ASB15: variants seen among roughly 807,000 people sequenced by gnomAD.
The protein encoded by ASB15 is ankyrin repeat and SOCS box protein 15.
ASB15 carries 54 observed loss-of-function variants against 58.0 expected under a neutral mutation model. The observed-to-expected ratio is 0.93, with a 90% CI of 0.75 to 1.17. The LOEUF is 1.17. ASB15 is among the 50% of genes most tolerant of loss of function. The pLI is 0.00. For synonymous variants in ASB15, 249 were observed against 262.4 expected (o/e 0.95, Z 0.50); for missense variants, 680 against 707.4 (o/e 0.96, Z 0.44).
intron 7 of ASB15, among the ~76,000 whole-genome samples, chr7:123,620,556 T>TATATA (rs1801242851): frequency 1.2e-4 from 1 of 8,630 alleles, no homozygotes; most frequent in Non-Finnish European, 2.2e-4. Flanking sequence ...ATATATATAT[T>TATATA]TTTTTTTTTT....
chr7:123,591,559 T>C (rs1417633538), intron 1 of ASB15, among the ~76,000 whole-genome samples: 1 of 152,198 alleles, frequency 6.6e-6, no homozygotes. Context: ...GAGATAATCA[T>C]GTGGTTTTTG....
chr7:123,620,513 T>C (rs1319687675), intron 7 of ASB15, among the ~76,000 whole-genome samples: 35 of 6,138 alleles, frequency 5.7e-3, no homozygotes, highest in Non-Finnish European at 7.0e-3. Context: ...CATACATATA[T>C]ATATATATAT....
At chr7:123,602,449 G>C (rs999458724) in intron 1 of ASB15, among the ~76,000 whole-genome samples, 1 of 152,030 alleles carries the variant, frequency 6.6e-6, no homozygotes, top group Non-Finnish European at 1.5e-5. Flanking sequence ...AGGTTGGAAA[G>C]TCCTTAAAAT....
rs747897507 is a variant in ASB15, at chr7:123,630,127, C to A, written c.1594+8C>A. On this transcript the variant is annotated splice_region_variant and intron_variant, in intron 11 of 11. Transcript: ENST00000451215. ...AAATCCGCCAAATACTAGGTAAAAA[C>A]CAAAAGTTTTGCCTACAATTTTTAA... 16 of 1,556,302 alleles carry A rather than the reference C, an allele frequency of 1.0e-5. No individual in the cohort carries two copies. The highest frequency in any genetic ancestry group is 3.4e-4 in the Middle Eastern group (2 of 5,830).
chr7:123,608,713 T>A (rs965074742), intron 3 of ASB15, 59 bp downstream of exon 3: 3 of 152,202 alleles, frequency 2.0e-5, no homozygotes, highest in Non-Finnish European at 4.4e-5. Flanking sequence ...TACACTTCTA[T>A]CTGAAATTTT....
intron 11 of ASB15, among the ~76,000 whole-genome samples, chr7:123,632,481 G>A (rs1584822130): frequency 6.7e-6 from 1 of 148,598 alleles, no homozygotes; most frequent in Non-Finnish European, 1.5e-5. Context: ...TTGGGGGAAC[G>A]GGTCGTGTTG....
intron 1 of ASB15, among the ~76,000 whole-genome samples, chr7:123,579,550 C>T (rs2116311473): frequency 6.6e-6 from 1 of 152,096 alleles, no homozygotes; most frequent in Middle Eastern, 3.4e-3. Context: ...TATTATCTGC[C>T]CCACTGTAGC....
At chr7:123,626,177 T>C (rs144664155) in intron 8 of ASB15, among the ~76,000 whole-genome samples, 1,892 of 152,382 alleles carry the variant, frequency 0.012, 18 homozygotes, top group Non-Finnish European at 0.021. Flanking sequence ...AAGTATTTGT[T>C]AATACTTTAT....
At chr7:123,626,778 C>T (rs1212031198) in intron 8 of ASB15, among the ~76,000 whole-genome samples, 1 of 152,118 alleles carries the variant, frequency 6.6e-6, no homozygotes, top group African/African-American at 2.4e-5. Flanking sequence ...CACTCTGTTG[C>T]CCATTCTGGA....
intron 1 of ASB15, among the ~76,000 whole-genome samples, chr7:123,583,112 C>G (rs1189045351): frequency 6.6e-6 from 1 of 151,834 alleles, no homozygotes; most frequent in East Asian, 1.9e-4. Context: ...CATTGTAGAC[C>G]TAGGTGCAGT....
chr7:123,595,292 G>C (rs1463662135), intron 1 of ASB15, among the ~76,000 whole-genome samples: 1 of 152,148 alleles, frequency 6.6e-6, no homozygotes, highest in African/African-American at 2.4e-5. Flanking sequence ...ATCCCTTGAT[G>C]ATCTTCACTT....
intron 3 of ASB15, among the ~76,000 whole-genome samples, chr7:123,611,322 T>C (rs867739784): frequency 2.0e-5 from 3 of 151,834 alleles, no homozygotes; most frequent in Non-Finnish European, 4.4e-5. Context: ...TGAGACGGAG[T>C]CTCGCTCTGT....
At chr7:123,631,958 A>G (rs1395238340) in intron 11 of ASB15, among the ~76,000 whole-genome samples, 11 of 151,996 alleles carry the variant, frequency 7.2e-5, no homozygotes, top group Admixed American at 1.3e-4. Context: ...GGCGCCTGTA[A>G]TCCCAGCTAC....
chr7:123,580,967 T>C (rs1376111329), intron 1 of ASB15, among the ~76,000 whole-genome samples: 2 of 151,768 alleles, frequency 1.3e-5, no homozygotes, highest in Admixed American at 6.6e-5. Context: ...GAGTTCAAAA[T>C]ACAGAACAGG....
At chr7:123,624,478 T>C (rs558784382) in intron 7 of ASB15, 91 bp from the exon 8 acceptor site, 5 of 1,248,730 alleles carry the variant, frequency 4.0e-6, no homozygotes, top group East Asian at 2.4e-5. Context: ...AGCTAGTATC[T>C]ATTTCAATAT....
chr7:123,574,663 A>G (rs913122414), intron 1 of ASB15, among the ~76,000 whole-genome samples: 4 of 152,076 alleles, frequency 2.6e-5, no homozygotes, highest in South Asian at 4.2e-4. Context: ...ACCTCATTCT[A>G]CTTGCCAATT....
At chr7:123,577,508 G>A (rs763579346) in intron 1 of ASB15, among the ~76,000 whole-genome samples, 22 of 151,972 alleles carry the variant, frequency 1.4e-4, no homozygotes, top group Non-Finnish European at 2.9e-4. Context: ...TATTCAGATC[G>A]ACTTTAATTA....
intron 11 of ASB15, among the ~76,000 whole-genome samples, chr7:123,630,709 G>A (rs1202163593): frequency 6.6e-6 from 1 of 152,078 alleles, no homozygotes; most frequent in Non-Finnish European, 1.5e-5. Flanking sequence ...ATAAAAACCA[G>A]AAAAATATCA....
rs1799897860 is a variant in ASB15 at position 123,601,887 on chromosome 7, A to G, written c.-272A>G. ...GATTTAGGAAGGCAAGTCCCTGGAT[A>G]AGAATGACAAGATGATCATTCCAAA... is the stretch of plus-strand genomic sequence containing the variant. On this transcript the variant is annotated 5_prime_UTR_variant, in exon 1 of 12. The change creates a new upstream start codon in the 5' untranslated region. Coordinates refer to ENST00000451215, the MANE Select transcript of ASB15 (RefSeq NM_001290258.2). The G allele has an allele frequency of 6.6e-6, 1 of 152,214 alleles. No homozygotes were observed. Among genetic ancestry groups the G allele is most frequent in the South Asian group, 2.1e-4 (1 of 4,830 alleles). The allele number at this position is 152,214 out of a possible 1,614,324, so 9.4% of individuals were successfully genotyped here. A position where few individuals can be genotyped will look rare whatever the true frequency, so the allele number is the denominator to read the frequency against.
Sources: gnomAD v4.1 joint callset for allele counts (sites outside exome capture counted in the v4.1 genomes callset) on GRCh38, gnomAD v4.1.1 for gene constraint, MANE v1.5 for transcripts, NCBI Gene and HGNC (gene_info 2026-07-23, HGNC 2026-07-21) for gene names.